The following ANKRD55 variants were observed in gnomAD, a reference collection of about 807,000 sequenced individuals.
ANKRD55 encodes ankyrin repeat domain-containing protein 55.
Under a neutral mutation model 60.6 loss-of-function variants are expected in ANKRD55, and 41 were observed. That is an observed-to-expected ratio of 0.68 (90% CI 0.53 to 0.88). The LOEUF is 0.88. Among genes scored for constraint, ANKRD55 ranks in the 40% least tolerant of loss-of-function variants. ANKRD55 has a pLI of 0.00. For missense variants in ANKRD55, 732 were observed against 767.6 expected (o/e 0.95, Z 0.55); for synonymous variants, 264 against 290.3 (o/e 0.91, Z 0.92).
At position 56,217,837 on chromosome 5, in the gene ANKRD55, A is replaced by C. The variant is rs185025483; in HGVS notation, c.58+15019T>G. 5.4e-3 allele frequency among the ~76,000 whole-genome samples: 820 copies of C among 151,866 alleles called. 4 individuals are homozygous for C. The highest frequency in any genetic ancestry group is 8.8e-3 in the Admixed American group (134 of 15,232). Reference sequence around the variant, plus strand: ...CATGAACCCAGGCGGCAGAACTTGCAGTGAGCCGAGATTGTGCCACTGCAC... The same window carrying C: ...CATGAACCCAGGCGGCAGAACTTGCCGTGAGCCGAGATTGTGCCACTGCAC... On this transcript the variant is annotated intron_variant, in intron 2 of 11. Transcript: ENST00000341048.
At position 56,100,053 on chromosome 5, in the gene ANKRD55, G is replaced by T; in HGVS notation, c.*130C>A. On this transcript the variant is annotated 3_prime_UTR_variant, in exon 12 of 12. Transcript: ENST00000341048. ...CTTTATTTGGAATAAAGAATTTCGA[G>T]TTATAAAACTGATGGCTTATAGAAT... is the stretch of plus-strand genomic sequence containing the variant. 1 of 1,241,886 alleles carries T rather than the reference G, an allele frequency of 8.1e-7. No individual in the cohort carries two copies. The highest frequency in any genetic ancestry group is 1.1e-6 in the Non-Finnish European group (1 of 878,572). 76.9% of individuals were successfully genotyped at this position (1,241,886 alleles called of 1,614,324 possible).
chr5:56,100,213 A>C lies in ANKRD55; in HGVS notation c.1815T>G (p.His605Gln), dbSNP rs747397490. 3.1e-6 allele frequency: 5 copies of C among 1,614,204 alleles called. No homozygotes were observed. In the Admixed American group the frequency reaches 8.3e-5, roughly 27 times the overall value. Residue 605 changes from histidine to glutamine, a missense_variant, in exon 12 of 12, where the codon CAT becomes CAG. Coordinates refer to ENST00000341048, the MANE Select transcript of ANKRD55 (RefSeq NM_024669.3). ...TTTCATCACTGGTGGGGTTGGCAGA[A>C]TGTTCACTCTCTTCTGCTGCTGTGC... Reference protein sequence around the residue: ...RHSTAAEESEHSANPTSDEN With the variant: ...RHSTAAEESEQSANPTSDEN
At chr5:56,178,334 C>A (rs1369601681) in intron 3 of ANKRD55, among the ~76,000 whole-genome samples, 1 of 151,784 alleles carries the variant, frequency 6.6e-6, no homozygotes. Context: ...GGATTACCGG[C>A]GTGAGCCACT....
chr5:56,183,421 A>G, intron 3 of ANKRD55, 91 bp downstream of exon 3: 10 of 1,520,984 alleles, frequency 6.6e-6, no homozygotes, highest in Non-Finnish European at 8.9e-6. Context: ...GGCTGGTCAG[A>G]TATACATTTA....
intron 6 of ANKRD55, among the ~76,000 whole-genome samples, chr5:56,149,210 G>A (rs889656193): frequency 6.6e-6 from 1 of 152,144 alleles, no homozygotes; most frequent in Admixed American, 6.5e-5. Context: ...TTCCTAAACT[G>A]AGTAGATAGA....
At chr5:56,159,730 T>C in intron 6 of ANKRD55, 103 bp downstream of exon 6, 1 of 1,142,520 alleles carries the variant, frequency 8.8e-7, no homozygotes, top group South Asian at 1.3e-5. Flanking sequence ...CCATGCCTCA[T>C]GTCTCCCCGT....
At chr5:56,112,511 A>AAAAAAAAAACAAAAAAAAAACAAC (rs61268045) in intron 9 of ANKRD55, among the ~76,000 whole-genome samples, 4 of 81,528 alleles carry the variant, frequency 4.9e-5, no homozygotes, top group African/African-American at 2.2e-4. Context: ...TAGCAAAAAA[A>AAAAAAAAAACAAAAAAAAAACAAC]AAAAAAAAAA....
At chr5:56,193,847 A>G (rs543522523) in intron 2 of ANKRD55, among the ~76,000 whole-genome samples, 2 of 152,332 alleles carry the variant, frequency 1.3e-5, no homozygotes, top group African/African-American at 4.8e-5. Flanking sequence ...ATATAAAAAT[A>G]TATCTATATA....
At chr5:56,204,409 G>A (rs1445443663) in intron 2 of ANKRD55, among the ~76,000 whole-genome samples, 2 of 152,198 alleles carry the variant, frequency 1.3e-5, no homozygotes, top group Non-Finnish European at 2.9e-5. Context: ...CCATGCCTAT[G>A]TCCTGAATGG....
chr5:56,227,128 C>G (rs1033662981), intron 2 of ANKRD55, among the ~76,000 whole-genome samples: 10 of 152,052 alleles, frequency 6.6e-5, no homozygotes, highest in African/African-American at 2.4e-5. Flanking sequence ...GAAAATGTGG[C>G]ATGTATACAC....
intron 7 of ANKRD55, among the ~76,000 whole-genome samples, chr5:56,141,961 T>C (rs1371740471): frequency 6.6e-6 from 1 of 152,170 alleles, no homozygotes; most frequent in Non-Finnish European, 1.5e-5. Flanking sequence ...CCAAGTGTAT[T>C]AATGCAAACT....
At chr5:56,130,481 C>T (rs1412229890) in intron 7 of ANKRD55, among the ~76,000 whole-genome samples, 1 of 152,174 alleles carries the variant, frequency 6.6e-6, no homozygotes, top group Non-Finnish European at 1.5e-5. Flanking sequence ...GGGACCAAAT[C>T]ATAGGACGAT....
intron 2 of ANKRD55, among the ~76,000 whole-genome samples, chr5:56,211,263 A>ATTGCTCATGTGATCTTTTCAGGACCGTT (rs1759666315): frequency 2.0e-5 from 3 of 152,230 alleles, no homozygotes; most frequent in Admixed American, 2.0e-4. Flanking sequence ...CTGGTACTGC[A>ATTGCTCATGTGATCTTTTCAGGACCGTT]TTGCTCATGT....
At chr5:56,170,256 T>C (rs1298806535) in intron 5 of ANKRD55, among the ~76,000 whole-genome samples, 3 of 152,228 alleles carry the variant, frequency 2.0e-5, no homozygotes, top group Non-Finnish European at 2.9e-5. Flanking sequence ...TTAGAAATGA[T>C]CTTATTTATT....
chr5:56,147,144 A>G (rs1757919658), intron 6 of ANKRD55, among the ~76,000 whole-genome samples: 1 of 152,152 alleles, frequency 6.6e-6, no homozygotes, highest in African/African-American at 2.4e-5. Context: ...TATCTCATAG[A>G]ATCTTTACAT....
intron 7 of ANKRD55, among the ~76,000 whole-genome samples, chr5:56,131,939 A>G (rs1757430487): frequency 6.6e-6 from 1 of 151,594 alleles, no homozygotes; most frequent in Admixed American, 6.6e-5. Context: ...TTTATTTTTT[A>G]TTGTTAATTA....
intron 2 of ANKRD55, among the ~76,000 whole-genome samples, chr5:56,228,659 AG>A (rs1760175870): frequency 6.6e-6 from 1 of 152,114 alleles, no homozygotes; most frequent in Non-Finnish European, 1.5e-5. Flanking sequence ...TGTTGATCCT[AG>A]GTGATCTGCC....
At chr5:56,150,701 C>T (rs1443331077) in intron 6 of ANKRD55, among the ~76,000 whole-genome samples, 2 of 152,078 alleles carry the variant, frequency 1.3e-5, no homozygotes, top group Non-Finnish European at 2.9e-5. Flanking sequence ...AGTTCGAGAC[C>T]AGCCTGGCCA....
chr5:56,146,438 C>T (rs1396772563), intron 6 of ANKRD55, among the ~76,000 whole-genome samples: 3 of 152,074 alleles, frequency 2.0e-5, no homozygotes, highest in Admixed American at 6.6e-5. Flanking sequence ...GTGCCCGCCA[C>T]CACGCCTGCC....
Sources: allele counts gnomAD v4.1 joint callset (sites outside exome capture counted in the v4.1 genomes callset), GRCh38; gene constraint gnomAD v4.1.1; transcripts MANE v1.5; gene names NCBI Gene and HGNC (gene_info 2026-07-23, HGNC 2026-07-21).